MCCC1: variants seen among roughly 807,000 people sequenced by gnomAD.
The protein encoded by MCCC1 is methylcrotonyl-CoA carboxylase subunit 1.
A neutral mutation model predicts 83.8 loss-of-function variants in MCCC1; 64 were observed. The observed-to-expected ratio is 0.76, with a 90% CI of 0.62 to 0.94. The LOEUF is 0.94. Among genes scored for constraint, MCCC1 ranks in the 40% least tolerant of loss-of-function variants. The probability of loss-of-function intolerance (pLI) is 0.00; values close to 1 mark genes in which losing one functional copy is unlikely to be tolerated. For missense variants in MCCC1, 807 were observed against 904.7 expected (o/e 0.89, Z 1.39); for synonymous variants, 322 against 315.4 (o/e 1.02, Z -0.22).
At chr3:183,056,901 G>C (rs1715461264) in intron 8 of MCCC1, among the ~76,000 whole-genome samples, 1 of 152,110 alleles carries the variant, frequency 6.6e-6, no homozygotes, top group African/African-American at 2.4e-5. Context: ...CTCCATGTGG[G>C]TCAGGCTGGT....
chr3:183,076,759 A>C (rs1717106023), intron 4 of MCCC1, among the ~76,000 whole-genome samples: 1 of 152,124 alleles, frequency 6.6e-6, no homozygotes, highest in Non-Finnish European at 1.5e-5. Context: ...TATACCATAA[A>C]CTCGGCCAAC....
chr3:183,080,840 G>A (rs1381760160), intron 4 of MCCC1, among the ~76,000 whole-genome samples: 2 of 152,230 alleles, frequency 1.3e-5, no homozygotes, highest in African/African-American at 2.4e-5. Flanking sequence ...ATGGCGGCAG[G>A]CAAAGAGAGA....
At chr3:183,043,933 C>T (rs913836958) in intron 10 of MCCC1, among the ~76,000 whole-genome samples, 1 of 152,168 alleles carries the variant, frequency 6.6e-6, no homozygotes, top group Non-Finnish European at 1.5e-5. Context: ...CCAGAAGTTT[C>T]CAAAGCCACT....
intron 1 of MCCC1, among the ~76,000 whole-genome samples, chr3:183,108,006 G>C (rs1719434336): frequency 6.6e-6 from 1 of 152,206 alleles, no homozygotes; most frequent in African/African-American, 2.4e-5. Context: ...CAAAATAACA[G>C]TTCCCAAACT....
chr3:183,083,420 T>C (rs1267212337), intron 4 of MCCC1, among the ~76,000 whole-genome samples: 1 of 152,222 alleles, frequency 6.6e-6, no homozygotes, highest in Non-Finnish European at 1.5e-5. Flanking sequence ...CTTTTGCTCT[T>C]TTATCCTTTA....
chr3:183,116,154 T>C (rs548046998), upstream of MCCC1: 4 of 158,456 alleles, frequency 2.5e-5, no homozygotes, highest in Non-Finnish European at 5.6e-5. Flanking sequence ...AGCGAGGATG[T>C]GATCTATATG....
chr3:183,057,155 C>T (rs894669377), intron 8 of MCCC1, among the ~76,000 whole-genome samples, 156 bp downstream of exon 8: 1 of 152,202 alleles, frequency 6.6e-6, no homozygotes, highest in African/African-American at 2.4e-5. Context: ...ATCCCCAATA[C>T]CACAGGAGGT....
intron 7 of MCCC1, among the ~76,000 whole-genome samples, chr3:183,069,361 A>C (rs1003703976): frequency 6.6e-6 from 1 of 152,230 alleles, no homozygotes; most frequent in Non-Finnish European, 1.5e-5. Flanking sequence ...ATGTCTCTGA[A>C]ATAAGTTACT....
chr3:183,092,408 C>G lies in MCCC1; in HGVS notation c.273+1G>C. 1 of 1,614,172 alleles carries G rather than the reference C, an allele frequency of 6.2e-7. No homozygotes were observed. Among genetic ancestry groups the G allele is most frequent in the Non-Finnish European group, 8.5e-7 (1 of 1,180,032 alleles). Reference sequence around the variant, plus strand: ...CGTGGCTTCCAATTTTTAACACATACCATATCTACATGCATGGAATTTCTG... The same window carrying G: ...CGTGGCTTCCAATTTTTAACACATAGCATATCTACATGCATGGAATTTCTG... On this transcript the variant is annotated splice_donor_variant, in intron 3 of 18. Transcript: ENST00000265594. LOFTEE classifies it high-confidence loss of function.
chr3:183,070,868 C>T (rs963256041), intron 7 of MCCC1, 131 bp downstream of exon 7: 4 of 1,115,014 alleles, frequency 3.6e-6, no homozygotes, highest in Non-Finnish European at 5.2e-6. Context: ...GGTTACATCA[C>T]AGGACAGAAC....
intron 4 of MCCC1, among the ~76,000 whole-genome samples, chr3:183,075,180 G>A (rs888989037): frequency 2.0e-5 from 3 of 152,164 alleles, no homozygotes; most frequent in Non-Finnish European, 4.4e-5. Context: ...GAACATACAT[G>A]CACATGTGTC....
At chr3:183,087,209 A>G (rs1717957128) in intron 3 of MCCC1, among the ~76,000 whole-genome samples, 1 of 152,228 alleles carries the variant, frequency 6.6e-6, no homozygotes, top group Admixed American at 6.5e-5. Context: ...AGTTTATATA[A>G]TTATCAGAGT....
At chr3:183,089,435 A>G (rs1320879204) in intron 3 of MCCC1, among the ~76,000 whole-genome samples, 1 of 152,130 alleles carries the variant, frequency 6.6e-6, no homozygotes, top group African/African-American at 2.4e-5. Flanking sequence ...CAACATAGTG[A>G]GACATCATCT....
intron 4 of MCCC1, 146 bp downstream of exon 4, chr3:183,086,547 G>A: frequency 1.4e-6 from 1 of 735,296 alleles, no homozygotes; most frequent in South Asian, 1.5e-5. Context: ...AAATGAGATG[G>A]GACATGCCTA....
intron 7 of MCCC1, among the ~76,000 whole-genome samples, chr3:183,070,144 G>GT (rs752706628): frequency 1.3e-5 from 2 of 152,184 alleles, no homozygotes; most frequent in Non-Finnish European, 2.9e-5. Flanking sequence ...CTGGCACATG[G>GT]TAAGTGCAAT....
intron 1 of MCCC1, among the ~76,000 whole-genome samples, chr3:183,104,835 C>T (rs1719381349): frequency 1.3e-5 from 2 of 152,188 alleles, no homozygotes; most frequent in Non-Finnish European, 1.5e-5. Context: ...TATTATCACA[C>T]TTTACTGTTG....
At chr3:183,066,085 TGTTGTTA>T (rs1442548983) in intron 7 of MCCC1, among the ~76,000 whole-genome samples, 1 of 152,172 alleles carries the variant, frequency 6.6e-6, no homozygotes, top group African/African-American at 2.4e-5. Flanking sequence ...TATATAAATA[TGTTGTTA>T]GTATGTGTTC....
chr3:183,037,066 C>G, intron 13 of MCCC1, 152 bp downstream of exon 13: 1 of 754,340 alleles, frequency 1.3e-6, no homozygotes, highest in Non-Finnish European at 2.3e-6. Flanking sequence ...AAGTGAAGAG[C>G]TTTCCTTCAT....
chr3:183,043,412 T>G (rs1451676024), intron 10 of MCCC1, among the ~76,000 whole-genome samples: 4 of 152,238 alleles, frequency 2.6e-5, no homozygotes, highest in Non-Finnish European at 4.4e-5. Context: ...ATTTGAGTTC[T>G]CTCAGGCTGA....
Sources: allele counts gnomAD v4.1 joint callset (sites outside exome capture counted in the v4.1 genomes callset), GRCh38; gene constraint gnomAD v4.1.1; transcripts MANE v1.5; gene names NCBI Gene and HGNC (gene_info 2026-07-23, HGNC 2026-07-21).